Variants in SGCD observed in about 807,000 individuals in gnomAD.
SGCD encodes sarcoglycan delta, also known as delta-sarcoglycan.
Under a neutral mutation model 36.6 loss-of-function variants are expected in SGCD, and 18 were observed. The ratio of observed to expected loss-of-function variants is 0.49; its 90% CI spans 0.34 to 0.73. The LOEUF is 0.73. Ranked by LOEUF, SGCD falls within the 30% of genes least tolerant of loss-of-function variation. SGCD has a pLI of 0.01. For missense variants in SGCD, 387 were observed against 346.7 expected, an observed-to-expected ratio of 1.12 and a Z score of -0.92; for synonymous variants, 133 against 130.6, an observed-to-expected ratio of 1.02 and a Z score of -0.12.
chr5:155,987,069 T>C (rs539566577), intron 1 of SGCD, among the ~76,000 whole-genome samples: 1 of 152,354 alleles, frequency 6.6e-6, no homozygotes, highest in South Asian at 2.1e-4. Flanking sequence ...TCCTTTGCAC[T>C]GATGTCATAG....
chr5:156,376,031 C>T (rs558167965), intron 3 of SGCD, among the ~76,000 whole-genome samples: 1 of 152,258 alleles, frequency 6.6e-6, no homozygotes, highest in Non-Finnish European at 1.5e-5. Flanking sequence ...AGATCAGTGA[C>T]TTCATATCAG....
chr5:156,357,792 A>G (rs13182616), intron 3 of SGCD, among the ~76,000 whole-genome samples: 62,202 of 151,930 alleles, frequency 0.41, 13,504 homozygotes, highest in East Asian at 0.79. Flanking sequence ...AAAATTATGC[A>G]TTTTGACCGG....
At chr5:155,863,503 A>G in the SGCD span, among the ~76,000 whole-genome samples, 2 of 151,854 alleles carry the variant, frequency 1.3e-5, no homozygotes, top group African/African-American at 2.4e-5. Flanking sequence ...TTGAGCAGTC[A>G]TGATCTTTAT....
At chr5:156,311,952 A>T (rs1504942) in intron 3 of SGCD, among the ~76,000 whole-genome samples, 78,594 of 151,768 alleles carry the variant, frequency 0.52, 20,847 homozygotes, top group East Asian at 0.89. Flanking sequence ...GAGCCAGTGT[A>T]TTGACCTATA....
intron 1 of SGCD, among the ~76,000 whole-genome samples, chr5:155,988,298 C>T (rs1758371269): frequency 6.6e-6 from 1 of 152,108 alleles, no homozygotes; most frequent in African/African-American, 2.4e-5. Flanking sequence ...GTGGTGCCAG[C>T]CATACCCTTT....
intron 4 of SGCD, among the ~76,000 whole-genome samples, chr5:156,522,072 A>G (rs1245096565): frequency 2.0e-5 from 3 of 152,130 alleles, no homozygotes; most frequent in African/African-American, 7.2e-5. Context: ...GGAAACCATC[A>G]TTCTCAGCAA....
chr5:156,701,734 C>T (rs1754537208), intron 7 of SGCD, among the ~76,000 whole-genome samples: 1 of 152,140 alleles, frequency 6.6e-6, no homozygotes, highest in Non-Finnish European at 1.5e-5. Flanking sequence ...ATAATATGCG[C>T]AGACCTCAAA....
intron 3 of SGCD, among the ~76,000 whole-genome samples, chr5:156,388,051 G>A (rs774512709): frequency 1.4e-4 from 22 of 152,156 alleles, no homozygotes; most frequent in Non-Finnish European, 2.8e-4. Flanking sequence ...AGTTGATATT[G>A]ATGGATTGCC....
intron 1 of SGCD, among the ~76,000 whole-genome samples, chr5:156,040,659 G>C (rs1759612404): frequency 6.6e-6 from 1 of 152,184 alleles, no homozygotes; most frequent in African/African-American, 2.4e-5. Flanking sequence ...GGCCTAGGTG[G>C]TGTGGTGTAG....
At chr5:156,674,308 T>G (rs1753422391) in intron 7 of SGCD, among the ~76,000 whole-genome samples, 1 of 152,156 alleles carries the variant, frequency 6.6e-6, no homozygotes, top group African/African-American at 2.4e-5. Context: ...TTACATATAA[T>G]CCCATAGCGT....
chr5:156,473,512 A>T (rs750265130), intron 3 of SGCD, among the ~76,000 whole-genome samples: 20 of 152,166 alleles, frequency 1.3e-4, no homozygotes, highest in Non-Finnish European at 2.9e-4. Flanking sequence ...GTTATTTTCT[A>T]TGTAATCTTT....
chr5:155,978,828 T>TAA (rs879399983), intron 1 of SGCD, among the ~76,000 whole-genome samples: 18 of 145,912 alleles, frequency 1.2e-4, no homozygotes, highest in African/African-American at 4.5e-4. Context: ...GGAGTTATTT[T>TAA]AAAAAAAAAA....
At chr5:156,426,546 T>C (rs34528989) in intron 3 of SGCD, among the ~76,000 whole-genome samples, 1 of 152,190 alleles carries the variant, frequency 6.6e-6, no homozygotes, top group Admixed American at 6.6e-5. Context: ...TCTTTTGCTG[T>C]GCAGAAGCTT....
chr5:156,150,582 T>C (rs922842692), intron 3 of SGCD, among the ~76,000 whole-genome samples: 3 of 151,678 alleles, frequency 2.0e-5, no homozygotes, highest in African/African-American at 7.3e-5. Flanking sequence ...TTTATAAATA[T>C]GCATTGATTT....
At chr5:156,304,430 C>A (rs1291754571) in intron 3 of SGCD, among the ~76,000 whole-genome samples, 1 of 152,106 alleles carries the variant, frequency 6.6e-6, no homozygotes, top group Non-Finnish European at 1.5e-5. Context: ...TCTCTCTTTG[C>A]CTATTGCCAT....
chr5:156,409,692 A>C (rs76446055), intron 3 of SGCD, among the ~76,000 whole-genome samples: 9,624 of 152,232 alleles, frequency 0.063, 952 homozygotes, highest in African/African-American at 0.21. Flanking sequence ...AGAAATAGTA[A>C]TTATAATTTT....
chr5:156,467,804 A>G (rs575645701), intron 3 of SGCD, among the ~76,000 whole-genome samples: 9 of 152,356 alleles, frequency 5.9e-5, no homozygotes, highest in African/African-American at 2.2e-4. Context: ...AAAGATATGT[A>G]TTTATAGACT....
At chr5:156,712,556 A>G (rs553306658) in intron 7 of SGCD, among the ~76,000 whole-genome samples, 1 of 152,330 alleles carries the variant, frequency 6.6e-6, no homozygotes, top group South Asian at 2.1e-4. Flanking sequence ...GTGTTAAGAA[A>G]AGGTAGAGAT....
intron 3 of SGCD, among the ~76,000 whole-genome samples, chr5:156,320,876 G>GA (rs1039259468): frequency 6.6e-6 from 1 of 152,144 alleles, no homozygotes; most frequent in African/African-American, 2.4e-5. Flanking sequence ...CTTGGCCATG[G>GA]AAAAATAGCA....
Sources: allele counts gnomAD v4.1 joint callset (sites outside exome capture counted in the v4.1 genomes callset), GRCh38; gene constraint gnomAD v4.1.1; transcripts MANE v1.5; gene names NCBI Gene and HGNC (gene_info 2026-07-23, HGNC 2026-07-21).